Variants in SCHIP1 observed in about 807,000 individuals in gnomAD.
SCHIP1 encodes schwannomin-interacting protein 1.
In SCHIP1, 8 loss-of-function variants were observed where a neutral mutation model predicts 29.7. That is an observed-to-expected ratio of 0.27 (90% confidence interval 0.16 to 0.49). The LOEUF is 0.49. SCHIP1 is among the 20% of genes least tolerant of loss of function. The pLI is 0.99. For missense variants in SCHIP1, 193 were observed against 294.6 expected (o/e 0.66, Z 2.52); for synonymous variants, 76 against 94.9 (o/e 0.80, Z 1.16).
the SCHIP1 span, among the ~76,000 whole-genome samples, chr3:159,562,612 G>A: frequency 6.6e-6 from 1 of 152,162 alleles, no homozygotes; most frequent in Admixed American, 6.6e-5. Context: ...ACATTTAGCT[G>A]TATCCCAAGC....
chr3:159,847,422 T>C (rs1308951792), intron 1 of SCHIP1, among the ~76,000 whole-genome samples: 5 of 152,172 alleles, frequency 3.3e-5, no homozygotes, highest in Non-Finnish European at 7.4e-5. Context: ...GTGCACTATA[T>C]AGAAGCATCA....
At chr3:159,349,762 G>A in the SCHIP1 span, among the ~76,000 whole-genome samples, 1 of 152,058 alleles carries the variant, frequency 6.6e-6, no homozygotes, top group East Asian at 1.9e-4. Flanking sequence ...CTTCGGGTCG[G>A]GGTTTGCATC....
the SCHIP1 span, among the ~76,000 whole-genome samples, chr3:159,791,522 CA>C: frequency 6.6e-6 from 1 of 152,220 alleles, no homozygotes; most frequent in Admixed American, 6.5e-5. Flanking sequence ...CAAGTCACAG[CA>C]GGGGTGCCCA....
At chr3:159,689,441 T>C in the SCHIP1 span, among the ~76,000 whole-genome samples, 1 of 152,238 alleles carries the variant, frequency 6.6e-6, no homozygotes, top group Non-Finnish European at 1.5e-5. Flanking sequence ...TTTTGCACAT[T>C]GATTTTTGTA....
chr3:159,886,272 A>C, exon 3 of SCHIP1: 1 of 1,614,212 alleles, frequency 6.2e-7, no homozygotes, highest in Non-Finnish European at 8.5e-7. Context: ...AAGGACAGTG[A>C]TGCTGATGAC....
chr3:159,888,015 T>A, intron 4 of SCHIP1, 110 bp downstream of exon 5: 1 of 1,406,198 alleles, frequency 7.1e-7, no homozygotes, highest in Non-Finnish European at 9.6e-7. Context: ...TAAGGCGGTT[T>A]GTAAAAAGTC....
chr3:159,295,153 T>G, the SCHIP1 span, among the ~76,000 whole-genome samples: 1 of 150,948 alleles, frequency 6.6e-6, no homozygotes, highest in African/African-American at 2.4e-5. Context: ...TCTTCTCATT[T>G]AATTTAATAA....
At chr3:159,689,052 T>C in the SCHIP1 span, among the ~76,000 whole-genome samples, 1 of 152,204 alleles carries the variant, frequency 6.6e-6, no homozygotes, top group Non-Finnish European at 1.5e-5. Context: ...GCTTTGTTCT[T>C]TTTGCTTAGG....
At chr3:159,626,116 A>ATC in the SCHIP1 span, among the ~76,000 whole-genome samples, 20 of 122,614 alleles carry the variant, frequency 1.6e-4, 2 homozygotes, top group East Asian at 9.1e-4. Context: ...ATAGATAGAT[A>ATC]GATAGATAGA....
chr3:159,321,022 T>G, the SCHIP1 span, among the ~76,000 whole-genome samples: 2 of 152,224 alleles, frequency 1.3e-5, no homozygotes, highest in Non-Finnish European at 2.9e-5. Flanking sequence ...TGGAGTGCAG[T>G]GGCACGATCT....
At chr3:159,419,321 G>T in the SCHIP1 span, among the ~76,000 whole-genome samples, 6 of 152,162 alleles carry the variant, frequency 3.9e-5, no homozygotes, top group African/African-American at 1.4e-4. Context: ...CTAGCACAAG[G>T]TTTGACACAC....
chr3:159,504,270 T>C, the SCHIP1 span, among the ~76,000 whole-genome samples: 2 of 152,166 alleles, frequency 1.3e-5, no homozygotes, highest in African/African-American at 4.8e-5. Flanking sequence ...CGTGAAGAAA[T>C]GATGTAAGGA....
the SCHIP1 span, among the ~76,000 whole-genome samples, chr3:159,734,203 C>T: frequency 1.5e-5 from 2 of 137,336 alleles, no homozygotes; most frequent in East Asian, 2.1e-4. Flanking sequence ...AGTGCAATGG[C>T]GCAATCTCGG....
the SCHIP1 span, among the ~76,000 whole-genome samples, chr3:159,398,089 C>T: frequency 6.6e-6 from 1 of 152,150 alleles, no homozygotes; most frequent in African/African-American, 2.4e-5. Flanking sequence ...CCCGATTTTC[C>T]AGGTGCCATC....
chr3:159,443,805 C>A, the SCHIP1 span, among the ~76,000 whole-genome samples: 39 of 152,260 alleles, frequency 2.6e-4, no homozygotes, highest in East Asian at 7.3e-3. Flanking sequence ...TCGCACCCAG[C>A]CTACAGTGAA....
the SCHIP1 span, among the ~76,000 whole-genome samples, chr3:159,680,707 A>AT: frequency 1.2e-4 from 10 of 84,058 alleles, no homozygotes; most frequent in Non-Finnish European, 1.8e-4. Context: ...AATATATATT[A>AT]TATATAATAT....
intron 1 of SCHIP1, among the ~76,000 whole-genome samples, chr3:159,855,594 A>G (rs899012508): frequency 5.3e-5 from 8 of 152,344 alleles, no homozygotes; most frequent in South Asian, 4.1e-4. Context: ...GTGTGTATGT[A>G]AAACATATAC....
the SCHIP1 span, among the ~76,000 whole-genome samples, chr3:159,493,479 C>A: frequency 6.6e-6 from 1 of 151,934 alleles, no homozygotes; most frequent in Non-Finnish European, 1.5e-5. Flanking sequence ...AGACTTTAAA[C>A]CAACAAAGAT....
chr3:159,435,394 C>A, the SCHIP1 span, among the ~76,000 whole-genome samples: 1 of 152,098 alleles, frequency 6.6e-6, no homozygotes, highest in African/African-American at 2.4e-5. Flanking sequence ...TCAAAACAAG[C>A]CCCAAACACT....
Sources: allele counts gnomAD v4.1 joint callset (sites outside exome capture counted in the v4.1 genomes callset), GRCh38; gene constraint gnomAD v4.1.1; transcripts MANE v1.5; gene names NCBI Gene and HGNC (gene_info 2026-07-23, HGNC 2026-07-21).